Variants in FBXL17 observed in about 807,000 individuals in gnomAD.
The protein encoded by FBXL17 is F-box and leucine rich repeat protein 17.
FBXL17 carries 22 observed loss-of-function variants against 66.2 expected under a neutral mutation model. That is an observed-to-expected ratio of 0.33 (90% CI 0.24 to 0.47). The LOEUF is 0.47. Among genes scored for constraint, FBXL17 ranks in the 20% least tolerant of loss-of-function variants. The probability of loss-of-function intolerance (pLI) is 1.00; values close to 1 mark genes in which losing one functional copy is unlikely to be tolerated. For synonymous variants in FBXL17, 474 were observed against 400.5 expected, an observed-to-expected ratio of 1.18 and a Z score of -2.19; for missense variants, 878 against 948.2, an observed-to-expected ratio of 0.93 and a Z score of 0.97.
rs534820874 is a variant in FBXL17, at chr5:107,862,985, T to C, written c.1966-1125A>G. On this transcript the variant is annotated intron_variant, in intron 8 of 8. Transcript: ENST00000542267. ...GAGAGTTGATATTTCAACATTGTGT[T>C]GATGATACTAAATCTTTGCCAGAGC... is the stretch of plus-strand genomic sequence containing the variant. Among the ~76,000 whole-genome samples, 4 of 151,660 alleles carry C rather than the reference T, an allele frequency of 2.6e-5. No homozygotes were observed. In the East Asian group the frequency reaches 7.7e-4, roughly 29 times the overall value.
At chr5:108,148,812 T>C (rs914900278) in intron 6 of FBXL17, among the ~76,000 whole-genome samples, 2 of 152,192 alleles carry the variant, frequency 1.3e-5, no homozygotes, top group South Asian at 2.1e-4. Context: ...GTAATTCTGA[T>C]GGCTGCCACT....
chr5:108,044,247 C>G (rs1050364698), intron 6 of FBXL17, among the ~76,000 whole-genome samples: 1 of 117,644 alleles, frequency 8.5e-6, no homozygotes, highest in Non-Finnish European at 1.7e-5. Flanking sequence ...GATATCCTTA[C>G]CTTGTTCCTG....
chr5:108,015,057 G>A (rs1754329829), intron 7 of FBXL17, among the ~76,000 whole-genome samples: 1 of 152,138 alleles, frequency 6.6e-6, no homozygotes, highest in Non-Finnish European at 1.5e-5. Context: ...AATTCAAGAT[G>A]AGATTTGGGT....
At chr5:108,177,932 T>TATATATAC (rs1242739302) in intron 6 of FBXL17, among the ~76,000 whole-genome samples, 17 of 126,900 alleles carry the variant, frequency 1.3e-4, no homozygotes, top group East Asian at 9.7e-4. Flanking sequence ...TATATATATA[T>TATATATAC]ACACACACAC....
chr5:108,164,030 C>A (rs528470405), intron 6 of FBXL17, among the ~76,000 whole-genome samples: 1 of 152,134 alleles, frequency 6.6e-6, no homozygotes, highest in Non-Finnish European at 1.5e-5. Flanking sequence ...CCCTGAGCAC[C>A]TGAAAATAAG....
intron 7 of FBXL17, among the ~76,000 whole-genome samples, chr5:108,017,046 T>A (rs141560139): frequency 6.6e-6 from 1 of 152,148 alleles, no homozygotes; most frequent in Non-Finnish European, 1.5e-5. Flanking sequence ...CCCAAAGTGC[T>A]GGGATTACAG....
intron 6 of FBXL17, among the ~76,000 whole-genome samples, chr5:108,131,133 T>C (rs1750917169): frequency 6.6e-6 from 1 of 152,164 alleles, no homozygotes; most frequent in Non-Finnish European, 1.5e-5. Flanking sequence ...ATATCTATTC[T>C]GACACAAACT....
chr5:108,243,539 T>TA (rs1483861489), intron 4 of FBXL17, among the ~76,000 whole-genome samples: 2 of 152,130 alleles, frequency 1.3e-5, no homozygotes, highest in African/African-American at 4.8e-5. Context: ...AGAGAGAAGT[T>TA]AAAGTAATCT....
intron 6 of FBXL17, among the ~76,000 whole-genome samples, chr5:108,175,599 T>C (rs1253137574): frequency 1.3e-5 from 2 of 152,186 alleles, no homozygotes; most frequent in Non-Finnish European, 2.9e-5. Context: ...ACCTTTCCAT[T>C]TTCATGAAGC....
chr5:108,083,262 TAG>T (rs1554063535), intron 6 of FBXL17, among the ~76,000 whole-genome samples: 12 of 112,374 alleles, frequency 1.1e-4, no homozygotes, highest in Non-Finnish European at 4.2e-5. Flanking sequence ...GAGAGAGAGA[TAG>T]ACAGATATAT....
chr5:108,267,636 T>G (rs140232000), intron 4 of FBXL17, among the ~76,000 whole-genome samples: 1 of 152,074 alleles, frequency 6.6e-6, no homozygotes, highest in South Asian at 2.1e-4. Context: ...GCAGGCACTA[T>G]GCTGAAGTAA....
intron 8 of FBXL17, among the ~76,000 whole-genome samples, chr5:107,875,790 G>T (rs1302537962): frequency 2.0e-5 from 3 of 152,208 alleles, no homozygotes; most frequent in Non-Finnish European, 4.4e-5. Flanking sequence ...TCTTGGCAAT[G>T]TCAGTTTGAT....
At chr5:108,110,397 T>C (rs1256228062) in intron 6 of FBXL17, among the ~76,000 whole-genome samples, 4 of 150,308 alleles carry the variant, frequency 2.7e-5, no homozygotes, top group Non-Finnish European at 5.9e-5. Context: ...ATGGAAATAA[T>C]TGCGGTACAT....
intron 7 of FBXL17, among the ~76,000 whole-genome samples, chr5:107,987,134 A>T (rs182368107): frequency 5.3e-5 from 8 of 152,178 alleles, no homozygotes; most frequent in Non-Finnish European, 2.9e-5. Context: ...CAAGAGAGGG[A>T]ATTTAAAGTA....
At chr5:108,274,275 G>T (rs930138789) in intron 4 of FBXL17, among the ~76,000 whole-genome samples, 9 of 152,088 alleles carry the variant, frequency 5.9e-5, no homozygotes, top group Non-Finnish European at 5.9e-5. Context: ...CATAAGAGAC[G>T]ACCACGCCCG....
chr5:107,875,986 A>G (rs903394718), intron 8 of FBXL17, among the ~76,000 whole-genome samples: 1 of 152,230 alleles, frequency 6.6e-6, no homozygotes, highest in Non-Finnish European at 1.5e-5. Flanking sequence ...ATTTATGTCA[A>G]CTAGAAATCA....
chr5:108,022,466 C>T (rs1050703208), intron 6 of FBXL17, among the ~76,000 whole-genome samples: 2 of 150,388 alleles, frequency 1.3e-5, no homozygotes, highest in Non-Finnish European at 3.0e-5. Flanking sequence ...AGGCCCTAGA[C>T]TATAATATCC....
intron 5 of FBXL17, among the ~76,000 whole-genome samples, chr5:108,222,127 G>A (rs1754891640): frequency 6.6e-6 from 1 of 152,214 alleles, no homozygotes; most frequent in African/African-American, 2.4e-5. Context: ...GACATTTGCT[G>A]TAGCTGTGTT....
At chr5:108,368,000 A>C (rs1188777491) in intron 1 of FBXL17, 47 bp from the exon 2 acceptor site, 2 of 1,502,750 alleles carry the variant, frequency 1.3e-6, no homozygotes, top group African/African-American at 2.8e-5. Context: ...AACATTTTCA[A>C]GGCACAGGAA....
Sources: allele counts gnomAD v4.1 joint callset (sites outside exome capture counted in the v4.1 genomes callset), GRCh38; gene constraint gnomAD v4.1.1; transcripts MANE v1.5; gene names NCBI Gene and HGNC (gene_info 2026-07-23, HGNC 2026-07-21).